The following KLF18 variants were observed in gnomAD, a reference collection of about 807,000 sequenced individuals.
The protein encoded by KLF18 is KLF transcription factor 18.
rs1643216964 is a variant in KLF18 at position 44,139,863 on chromosome 1, G to A, written c.1769C>T (p.Thr590Ile). Residue 590 changes from threonine (T) to isoleucine (I), a missense_variant, in exon 1 of 2, where the codon ACC becomes ATC. Physicochemically the swap from Thr to Ile is moderately conservative, Grantham distance 89. Transcript: ENST00000634670. ...ACAAAGGGTCTGGTTACTAGTGGAG[G>A]TCGTCATCTGCTCTCCACAGAGGGT... ...NQTLCGEQMT[T>I]STSNQTLCGE... The A allele has an allele frequency of 2.6e-6, 1 of 378,400 alleles. No individual in the cohort carries two copies. The highest frequency in any genetic ancestry group is 6.9e-4 in the Middle Eastern group (1 of 1,458). 23.4% of individuals were successfully genotyped at this position (378,400 alleles called of 1,614,324 possible).
rs1643238095 is a variant in KLF18, at chr1:44,141,334, C to T, written c.298G>A (p.Gly100Ser). The change falls in exon 1 of 2, where the codon GGC becomes AGC. Residue 100 changes from glycine (G) to serine (S), a missense_variant. Coordinates refer to ENST00000634670, the MANE Select transcript of KLF18 (RefSeq NM_001358438.1). ...TGATCAAAGGAAGTCACTTTCTGGC[C>T]CATGGAATAAGTCTCACTTAGGTCT... ...LEDLSETYSM[G>S]QKVTSFDQVK... The T allele has an allele frequency of 2.5e-6, 1 of 398,432 alleles. No homozygotes were observed. The highest frequency in any genetic ancestry group is 2.1e-5 in the African/African-American group (1 of 48,564). The allele number at this position is 398,432 out of a possible 1,614,324, so 24.7% of individuals were successfully genotyped here.
Position 44,141,098 on chromosome 1 carries a change from G to C in KLF18, c.534C>G (p.Asn178Lys), listed in dbSNP as rs1643236263. The C allele has an allele frequency of 2.5e-6, 1 of 398,530 alleles. No individual in the cohort carries two copies. The highest frequency in any genetic ancestry group is 4.4e-6 in the Non-Finnish European group (1 of 226,142). 24.7% of individuals were successfully genotyped at this position (398,530 alleles called of 1,614,324 possible). The change falls in exon 1 of 2, where the codon AAC (asparagine) becomes AAG (lysine). Residue 178 changes from asparagine to lysine, a missense_variant. By Grantham distance (94) the Asn-to-Lys change is moderately conservative. Coordinates refer to ENST00000634670, the MANE Select transcript of KLF18 (RefSeq NM_001358438.1). Reference sequence around the variant, plus strand: ...TCACCTGGTCCCCACAGAGAGTCTGGTTATCACTGAGGGTCTTCATCTGAT... The same window carrying C: ...TCACCTGGTCCCCACAGAGAGTCTGCTTATCACTGAGGGTCTTCATCTGAT... ...LGDQMKTLSD[N>K]QTLCGDQVTF... is the part of the protein sequence containing the mutation.
Position 44,139,030 on chromosome 1 carries a change from T to G in KLF18, c.2602A>C (p.Asn868His), listed in dbSNP as rs1643197824. ...GCCTGGTTATCAGTGGAGGTCATAT[T>G]CTGCCCCCCGTAGAGGTTCTGGTTA... ...TGNQNLYGGQ[N>H]MTSTDNQALY... The change falls in exon 1 of 2, where the codon AAT becomes CAT. Residue 868 changes from asparagine to histidine, a missense_variant. By Grantham distance (68) the Asn-to-His change is moderately conservative. Coordinates refer to ENST00000634670, the MANE Select transcript of KLF18 (RefSeq NM_001358438.1). The G allele has an allele frequency of 1.3e-5, 5 of 398,204 alleles. No homozygotes were observed. Among genetic ancestry groups the G allele is most frequent in the Non-Finnish European group, 2.2e-5 (5 of 225,934 alleles). 24.7% of individuals were successfully genotyped at this position (398,204 alleles called of 1,614,324 possible). A position where few individuals can be genotyped will look rare whatever the true frequency, so the allele number is the denominator to read the frequency against.
Position 44,140,263 on chromosome 1 carries a change from G to A in KLF18, c.1369C>T (p.Leu457Phe). ...GAGGTCGTCGTCTGCTCTCCACAGA[G>A]GGTCTGGTTACTAGTGGAGGTCATC... Reference protein sequence around the residue: ...QVMTSTSNQTLCGEQTTTSTS... With the variant: ...QVMTSTSNQTFCGEQTTTSTS... Residue 457 changes from leucine (L) to phenylalanine (F), a missense_variant, in exon 1 of 2, where the codon CTC becomes TTC. Transcript: ENST00000634670. 1 of 395,520 alleles carries A rather than the reference G, an allele frequency of 2.5e-6. No individual in the cohort carries two copies. The highest frequency in any genetic ancestry group is 4.4e-6 in the Non-Finnish European group (1 of 225,502). The allele number at this position is 395,520 out of a possible 1,614,324, so 24.5% of individuals were successfully genotyped here.
chr1:44,140,042 C>G lies in KLF18; in HGVS notation c.1590G>C (p.Gly530=). The part of the protein sequence containing the change: ...TSTGNQALYG[G]QMTTSTSNQT... Reference sequence around the variant, plus strand: ...GGTTACTAGTAGAGGTTGTCATCTGCCCCCCGTAGAGGGCCTGGTTACCAG... The same window carrying G: ...GGTTACTAGTAGAGGTTGTCATCTGGCCCCCGTAGAGGGCCTGGTTACCAG... Residue 530 remains glycine, a synonymous_variant, in exon 1 of 2, where the codon GGG becomes GGC. Transcript: ENST00000634670. The G allele has an allele frequency of 5.1e-6, 2 of 391,598 alleles. No homozygotes were observed. Among genetic ancestry groups the G allele is most frequent in the Admixed American group, 4.6e-5 (1 of 21,640 alleles). 24.3% of individuals were successfully genotyped at this position (391,598 alleles called of 1,614,324 possible).
rs866208764 is a variant in KLF18 at position 44,140,174 on chromosome 1, G to A, written c.1458C>T (p.Tyr486=). Reference sequence around the variant, plus strand: ...CAGTGGAGGTCATCATCTGCCCCCCGTAGAGGGCCTGGTTACCAGTGGAGG... The same window carrying A: ...CAGTGGAGGTCATCATCTGCCCCCCATAGAGGGCCTGGTTACCAGTGGAGG... ...VTTSTGNQAL[Y]GGQMMTSTGN... Residue 486 remains tyrosine, a synonymous_variant, in exon 1 of 2, where the codon TAC becomes TAT. Coordinates refer to ENST00000634670, the MANE Select transcript of KLF18 (RefSeq NM_001358438.1). 6.6e-3 allele frequency: 2,257 copies of A among 341,414 alleles called. 22 individuals carry two copies. Among genetic ancestry groups the A allele is most frequent in the African/African-American group, 0.031 (1,139 of 36,654 alleles). The allele number at this position is 341,414 out of a possible 1,614,324, so 21.1% of individuals were successfully genotyped here. A position where few individuals can be genotyped will look rare whatever the true frequency, so the allele number is the denominator to read the frequency against.
chr1:44,140,969 T>G lies in KLF18; in HGVS notation c.663A>C (p.Gly221=). ...TATCAATGGAAGTCATCATTTGCCC[T>G]CCATAGAGGTCTAGACTGGTTGTCA... ...GQMTTSLDLY[G]GQMMTSIDNQ... Residue 221 remains glycine, a synonymous_variant, in exon 1 of 2, where the codon GGA becomes GGC. Coordinates refer to ENST00000634670, the MANE Select transcript of KLF18 (RefSeq NM_001358438.1). 1 of 398,698 alleles carries G rather than the reference T, an allele frequency of 2.5e-6. No individual in the cohort carries two copies. Among genetic ancestry groups the G allele is most frequent in the Non-Finnish European group, 4.4e-6 (1 of 226,164 alleles). 24.7% of individuals were successfully genotyped at this position (398,698 alleles called of 1,614,324 possible). A position where few individuals can be genotyped will look rare whatever the true frequency, so the allele number is the denominator to read the frequency against.
rs991009143 is a variant in KLF18, at chr1:44,140,062, T to A, written c.1570A>T (p.Asn524Tyr). 1.5e-5 allele frequency: 6 copies of A among 391,654 alleles called. No homozygotes were observed. Among genetic ancestry groups the A allele is most frequent in the Non-Finnish European group, 2.2e-5 (5 of 225,114 alleles). 24.3% of individuals were successfully genotyped at this position (391,654 alleles called of 1,614,324 possible). Residue 524 changes from asparagine (N) to tyrosine (Y), a missense_variant, in exon 1 of 2, where the codon AAC becomes TAC. Transcript: ENST00000634670. ...ATCTGCCCCCCGTAGAGGGCCTGGT[T>A]ACCAGTGGAGGTTGTCATCTGCTCT... ...CGEQMTTSTG[N>Y]QALYGGQMTT...
rs907196272 is a variant in KLF18 at position 44,138,750 on chromosome 1, G to A, written c.2882C>T (p.Ser961Leu). Reference sequence around the variant, plus strand: ...CTCGTAAGTGCAGACATAGGGCCTTGAAACCTCAGGATTCTTCCAGAACTG... The same window carrying A: ...CTCGTAAGTGCAGACATAGGGCCTTAAAACCTCAGGATTCTTCCAGAACTG... ...SCQFWKNPEV[S>L]RPYVCTYEDC... is the part of the protein sequence containing the mutation. Residue 961 changes from serine (S) to leucine (L), a missense_variant, in exon 1 of 2, where the codon TCA becomes TTA. Transcript: ENST00000634670. 21 of 398,514 alleles carry A rather than the reference G, an allele frequency of 5.3e-5. No homozygotes were observed. The highest frequency in any genetic ancestry group is 7.1e-5 in the Non-Finnish European group (16 of 226,080). 24.7% of individuals were successfully genotyped at this position (398,514 alleles called of 1,614,324 possible).
At position 44,137,991 on chromosome 1, in the gene KLF18, C is replaced by A; in HGVS notation, c.2989G>T (p.Asp997Tyr). The A allele has an allele frequency of 2.5e-6, 1 of 398,744 alleles. No homozygotes were observed. The highest frequency in any genetic ancestry group is 4.4e-6 in the Non-Finnish European group (1 of 226,184). 24.7% of individuals were successfully genotyped at this position (398,744 alleles called of 1,614,324 possible). ...AATTTCCACGTACATCCCTCTACAT[C>A]GCATACATAGGGCTTCTCCCCTGGA... is the stretch of plus-strand genomic sequence containing the variant. Reference protein sequence around the residue: ...KHTGEKPYVCDVEGCTWKFAR... With the variant: ...KHTGEKPYVCYVEGCTWKFAR... The change falls in exon 2 of 2, where the codon GAT (aspartate) becomes TAT (tyrosine). Residue 997 changes from aspartate (D) to tyrosine (Y), a missense_variant. Transcript: ENST00000634670.
chr1:44,137,961 G>A lies in KLF18; in HGVS notation c.3019C>T (p.Arg1007Cys), dbSNP rs373563584. 20 of 398,686 alleles carry A rather than the reference G, an allele frequency of 5.0e-5. No individual in the cohort carries two copies. The South Asian group carries it at 5.1e-4, about 10-fold the overall frequency. The allele number at this position is 398,686 out of a possible 1,614,324, so 24.7% of individuals were successfully genotyped here. ...DVEGCTWKFARSDELNRHKKR... is the reference protein window; with the variant it reads ...DVEGCTWKFACSDELNRHKKR... Reference sequence around the variant, plus strand: ...TTGTGTCTGTTGAGCTCATCTGAGCGGGCAAATTTCCACGTACATCCCTCT... The same window carrying A: ...TTGTGTCTGTTGAGCTCATCTGAGCAGGCAAATTTCCACGTACATCCCTCT... Residue 1007 changes from arginine to cysteine, a missense_variant, in exon 2 of 2, where the codon CGC (arginine) becomes TGC (cysteine). Transcript: ENST00000634670.
chr1:44,138,334 C>T (rs533923957), intron 1 of KLF18, among the ~76,000 whole-genome samples: 1 of 152,134 alleles, frequency 6.6e-6, no homozygotes, highest in Non-Finnish European at 1.5e-5. Context: ...CCTGTCACTA[C>T]GAAGTGACGG....
At position 44,140,916 on chromosome 1, in the gene KLF18, G is replaced by A. The variant is rs61745995; in HGVS notation, c.716C>T (p.Thr239Met). Residue 239 changes from threonine to methionine, a missense_variant, in exon 1 of 2, where the codon ACG (threonine) becomes ATG (methionine). Transcript: ENST00000634670. Reference sequence around the variant, plus strand: ...GAAGGCCTGGTTACCACTGGAGGTCGTCATCTGCTCCCCACAGAGGGTCTG... The same window carrying A: ...GAAGGCCTGGTTACCACTGGAGGTCATCATCTGCTCCCCACAGAGGGTCTG... Reference protein sequence around the residue: ...DNQTLCGEQMTTSSGNQAFYG... With the variant: ...DNQTLCGEQMMTSSGNQAFYG... 304 of 395,150 alleles carry A rather than the reference G, an allele frequency of 7.7e-4. 1 individual carries two copies. The highest frequency in any genetic ancestry group is 5.6e-3 in the African/African-American group (270 of 48,302). The allele number at this position is 395,150 out of a possible 1,614,324, so 24.5% of individuals were successfully genotyped here. A position where few individuals can be genotyped will look rare whatever the true frequency, so the allele number is the denominator to read the frequency against.
chr1:44,138,456 C>G (rs1270760684), intron 1 of KLF18, among the ~76,000 whole-genome samples: 1 of 152,206 alleles, frequency 6.6e-6, no homozygotes, highest in African/African-American at 2.4e-5. Flanking sequence ...GCCAGCCTGG[C>G]TCTGGTCCAG....
chr1:44,138,307 A>C (rs571919080), intron 1 of KLF18, among the ~76,000 whole-genome samples: 1 of 152,232 alleles, frequency 6.6e-6, no homozygotes, highest in South Asian at 2.1e-4. Flanking sequence ...AGGATGAGGG[A>C]AGTGGGGCCT....
At chr1:44,138,427 A>G (rs1361916123) in intron 1 of KLF18, among the ~76,000 whole-genome samples, 10 of 152,126 alleles carry the variant, frequency 6.6e-5, no homozygotes, top group African/African-American at 2.4e-4. Flanking sequence ...ACCAGCAGTC[A>G]ACACCACTAA....
Position 44,138,664 on chromosome 1 carries a change from C to T in KLF18, c.2968G>A (p.Gly990Arg), listed in dbSNP as rs933667523. 6 of 398,538 alleles carry T rather than the reference C, an allele frequency of 1.5e-5. No individual in the cohort carries two copies. The highest frequency in any genetic ancestry group is 2.1e-5 in the African/African-American group (1 of 48,738). The allele number at this position is 398,538 out of a possible 1,614,324, so 24.7% of individuals were successfully genotyped here. A position where few individuals can be genotyped will look rare whatever the true frequency, so the allele number is the denominator to read the frequency against. The change falls in exon 1 of 2, where the codon GGG (glycine) becomes AGG (arginine). Residue 990 changes from glycine to arginine, a missense_variant and splice_region_variant. Gly to Arg is a moderately radical substitution (Grantham distance 125). Coordinates refer to ENST00000634670, the MANE Select transcript of KLF18 (RefSeq NM_001358438.1). ...HLRTHMRKHT[G>R]EKPYVCDVEG... ...CCCCTGTTTCTGGGCCCTCACTCAC[C>T]GGTGTGCTTGCGCATGTGGGTTCGG...
In KLF18 at chr1:44,139,413, C is replaced by A. The variant is rs1229324197; in HGVS notation, c.2219G>T (p.Gly740Val). The change falls in exon 1 of 2, where the codon GGG becomes GTG. Residue 740 changes from glycine to valine, a missense_variant. By Grantham distance (109) the Gly-to-Val change is moderately radical (BLOSUM62 -3). Transcript: ENST00000634670. ...TSTGNQTLYW[G>V]QMMTSTGNQN... The stretch of plus-strand genomic sequence containing the variant: ...GTTACCAGTGGAGGTCATCATCTGC[C>A]CCCAGTAGAGGGTCTGGTTACCAGT... The A allele has an allele frequency of 4.1e-6, 1 of 242,892 alleles. No individual in the cohort carries two copies. The highest frequency in any genetic ancestry group is 2.6e-5 in the African/African-American group (1 of 38,448). 15.0% of individuals were successfully genotyped at this position (242,892 alleles called of 1,614,324 possible). A position where few individuals can be genotyped will look rare whatever the true frequency, so the allele number is the denominator to read the frequency against.
intron 1 of KLF18, among the ~76,000 whole-genome samples, chr1:44,138,353 G>A (rs1643186602): frequency 6.6e-6 from 1 of 152,146 alleles, no homozygotes; most frequent in Admixed American, 6.5e-5. Flanking sequence ...GGTCCCAGTA[G>A]AAATAGCATC....
Sources: gnomAD v4.1 joint callset for allele counts (sites outside exome capture counted in the v4.1 genomes callset) on GRCh38, gnomAD v4.1.1 for gene constraint, MANE v1.5 for transcripts, NCBI Gene and HGNC (gene_info 2026-07-23, HGNC 2026-07-21) for gene names.